AGBL4: variants seen among roughly 807,000 people sequenced by gnomAD.
AGBL4 encodes the protein AGBL carboxypeptidase 4, also known as cytosolic carboxypeptidase 6.
Under a neutral mutation model 66.4 loss-of-function variants are expected in AGBL4, and 58 were observed. The ratio of observed to expected loss-of-function variants is 0.87; its 90% CI spans 0.71 to 1.09. AGBL4 has a LOEUF of 1.09. AGBL4 is among the 50% of genes least tolerant of loss of function. The pLI, the probability that AGBL4 is intolerant of heterozygous loss-of-function variation, is 0.00. For synonymous variants in AGBL4, 234 were observed against 222.9 expected (o/e 1.05, Z -0.44); for missense variants, 579 against 631.0 (o/e 0.92, Z 0.88).
At chr1:49,022,330 T>C (rs991875173) in intron 5 of AGBL4, among the ~76,000 whole-genome samples, 1 of 151,770 alleles carries the variant, frequency 6.6e-6, no homozygotes, top group African/African-American at 2.4e-5. Flanking sequence ...AAAGGTAGAA[T>C]TCTTAGGTTC....
intron 5 of AGBL4, among the ~76,000 whole-genome samples, chr1:48,945,677 T>C (rs1018536970): frequency 1.3e-5 from 2 of 152,176 alleles, no homozygotes; most frequent in African/African-American, 4.8e-5. Context: ...ACTTTATTTT[T>C]CAAAATCTGA....
At chr1:49,271,516 GCA>G (rs57311875) in intron 3 of AGBL4, among the ~76,000 whole-genome samples, 28,645 of 144,028 alleles carry the variant, frequency 0.2, 3,562 homozygotes, top group East Asian at 0.39. Flanking sequence ...TTAAAAGATA[GCA>G]CACACACACA....
chr1:49,540,996 A>G (rs1040884308), intron 3 of AGBL4, among the ~76,000 whole-genome samples: 4 of 152,224 alleles, frequency 2.6e-5, no homozygotes, highest in African/African-American at 9.6e-5. Flanking sequence ...AAATTATTCT[A>G]CCTGTCTAAA....
At chr1:49,790,363 CAAA>C (rs11313463) in intron 2 of AGBL4, among the ~76,000 whole-genome samples, 17 of 98,970 alleles carry the variant, frequency 1.7e-4, no homozygotes, top group South Asian at 3.3e-4. Flanking sequence ...GATTCTATCT[CAAA>C]AAAAAAAAAA....
At chr1:49,619,969 T>TTC (rs1645326525) in intron 3 of AGBL4, among the ~76,000 whole-genome samples, 1 of 152,096 alleles carries the variant, frequency 6.6e-6, no homozygotes, top group Admixed American at 6.6e-5. Context: ...CAAAAATTAA[T>TTC]TCAAGATGGG....
chr1:49,114,868 T>C (rs1195918770), intron 4 of AGBL4, among the ~76,000 whole-genome samples: 1 of 152,162 alleles, frequency 6.6e-6, no homozygotes, highest in African/African-American at 2.4e-5. Context: ...CCAAAACAAT[T>C]ACAATAGTAG....
chr1:48,780,075 C>G (rs1645254858), intron 6 of AGBL4, among the ~76,000 whole-genome samples: 1 of 151,006 alleles, frequency 6.6e-6, no homozygotes, highest in Non-Finnish European at 1.5e-5. Context: ...ATGTGCAAAA[C>G]ATGCAGGTTT....
intron 3 of AGBL4, among the ~76,000 whole-genome samples, chr1:49,481,012 C>T (rs1270656115): frequency 1.3e-5 from 2 of 151,970 alleles, no homozygotes; most frequent in African/African-American, 4.8e-5. Context: ...GTTTTCATAC[C>T]AGTACCATGC....
intron 6 of AGBL4, among the ~76,000 whole-genome samples, chr1:48,772,593 G>A (rs900579236): frequency 3.3e-5 from 5 of 152,124 alleles, no homozygotes; most frequent in Admixed American, 6.5e-5. Context: ...GTCTAAGGAG[G>A]GCTATGAATG....
At chr1:48,676,378 C>A (rs1448864851) in intron 6 of AGBL4, among the ~76,000 whole-genome samples, 1 of 152,234 alleles carries the variant, frequency 6.6e-6, no homozygotes, top group African/African-American at 2.4e-5. Flanking sequence ...GACTCAGGCA[C>A]AAGCGCAGTG....
chr1:49,603,096 G>A (rs1644992970), intron 3 of AGBL4, among the ~76,000 whole-genome samples: 1 of 151,908 alleles, frequency 6.6e-6, no homozygotes, highest in South Asian at 2.1e-4. Context: ...GCCAATATTC[G>A]ACTCCAGCTA....
At chr1:49,077,174 C>A (rs1644727854) in intron 4 of AGBL4, among the ~76,000 whole-genome samples, 4 of 150,868 alleles carry the variant, frequency 2.7e-5, no homozygotes, top group Admixed American at 6.6e-5. Flanking sequence ...CTTGGTACAA[C>A]CAGCACCTAT....
chr1:49,008,647 T>C (rs1033782064), intron 5 of AGBL4, among the ~76,000 whole-genome samples: 1 of 134,596 alleles, frequency 7.4e-6, no homozygotes, highest in African/African-American at 2.9e-5. Context: ...CCTCAGCAAA[T>C]GTAAAAGAAC....
At position 49,572,964 on chromosome 1, in the gene AGBL4, T is replaced by G. The variant is rs113251947; in HGVS notation, c.282+124349A>C. ...TGGCCTAGCCTCCCAGCCTACAGCT[T>G]TCTCCCATGCTGGAGGCTTCTTGCC... On this transcript the variant is annotated intron_variant, in intron 3 of 13. Coordinates refer to ENST00000371839, the MANE Select transcript of AGBL4 (RefSeq NM_032785.4). Among the ~76,000 whole-genome samples the G allele has an allele frequency of 1.0e-3, 158 of 152,232 alleles. 1 individual carries two copies. The highest frequency in any genetic ancestry group is 3.4e-3 in the Middle Eastern group (1 of 294).
chr1:49,770,917 T>A (rs1343263104), intron 2 of AGBL4, among the ~76,000 whole-genome samples: 1 of 152,130 alleles, frequency 6.6e-6, no homozygotes, highest in Non-Finnish European at 1.5e-5. Context: ...TCTTAGTTAA[T>A]CTAACATTTT....
intron 3 of AGBL4, among the ~76,000 whole-genome samples, chr1:49,502,668 G>T (rs1648275715): frequency 6.6e-6 from 1 of 152,084 alleles, no homozygotes; most frequent in South Asian, 2.1e-4. Flanking sequence ...GACTGATGTG[G>T]ATTCAGGTGG....
intron 2 of AGBL4, among the ~76,000 whole-genome samples, chr1:49,704,127 G>A (rs1647155648): frequency 6.6e-6 from 1 of 151,948 alleles, no homozygotes; most frequent in Non-Finnish European, 1.5e-5. Flanking sequence ...AGATTCAGAG[G>A]AACCACAATC....
intron 3 of AGBL4, among the ~76,000 whole-genome samples, chr1:49,263,090 A>G (rs12753642): frequency 2.0e-5 from 3 of 149,292 alleles, no homozygotes; most frequent in Non-Finnish European, 4.5e-5. Context: ...TCACTCATAG[A>G]TGGGAATTGA....
intron 5 of AGBL4, among the ~76,000 whole-genome samples, chr1:49,021,661 A>T (rs1261314585): frequency 6.6e-6 from 1 of 152,196 alleles, no homozygotes; most frequent in East Asian, 1.9e-4. Flanking sequence ...TTAATAAACC[A>T]CCTAGTCTAT....
Sources: gnomAD v4.1 joint callset for allele counts (sites outside exome capture counted in the v4.1 genomes callset) on GRCh38, gnomAD v4.1.1 for gene constraint, MANE v1.5 for transcripts, NCBI Gene and HGNC (gene_info 2026-07-23, HGNC 2026-07-21) for gene names.